Variants in CAPN14 observed in about 807,000 individuals in gnomAD.
The protein encoded by CAPN14 is calpain-14.
CAPN14 carries 94 observed loss-of-function variants against 101.3 expected under a neutral mutation model. That is an observed-to-expected ratio of 0.93 (90% CI 0.79 to 1.10). CAPN14 has a LOEUF of 1.10. Ranked by LOEUF, CAPN14 falls within the 50% of genes least tolerant of loss-of-function variation. The probability of loss-of-function intolerance (pLI) is 0.00; values close to 1 mark genes in which losing one functional copy is unlikely to be tolerated. For synonymous variants in CAPN14, 338 were observed against 317.9 expected, an observed-to-expected ratio of 1.06 and a Z score of -0.67; for missense variants, 837 against 828.4, an observed-to-expected ratio of 1.01 and a Z score of -0.13.
chr2:31,197,290 G>A lies in CAPN14; in HGVS notation c.834C>T (p.Asn278=). Residue 278 remains asparagine (N), a synonymous_variant, in exon 8 of 22, where the codon AAC becomes AAT. Transcript: ENST00000403897. The part of the protein sequence containing the change: ...HRPEYLVKLR[N]PWGKVEWKGD... ...CTTTCCATTCCACCTTTCCCCAGGG[G>A]TTCCGTAGCTTGACGAGATATTCAG... The A allele has an allele frequency of 6.4e-7, 1 of 1,551,310 alleles. No individual in the cohort carries two copies. Among genetic ancestry groups the A allele is most frequent in the Non-Finnish European group, 8.7e-7 (1 of 1,146,298 alleles).
intron 8 of CAPN14, among the ~76,000 whole-genome samples, chr2:31,196,436 C>T (rs899209878): frequency 2.0e-5 from 3 of 152,218 alleles, no homozygotes; most frequent in Non-Finnish European, 4.4e-5. Flanking sequence ...TCTAACAACA[C>T]TGTTTACTAA....
At chr2:31,222,041 G>C (rs774188325), upstream of CAPN14, among the ~76,000 whole-genome samples, 1 of 152,136 alleles carries the variant, frequency 6.6e-6, no homozygotes, top group Non-Finnish European at 1.5e-5. Context: ...CCATCCTAAG[G>C]CTTGCATTAT....
chr2:31,180,270 C>G (rs1334409443), intron 17 of CAPN14, among the ~76,000 whole-genome samples: 1 of 152,178 alleles, frequency 6.6e-6, no homozygotes, highest in Admixed American at 6.5e-5. Context: ...CTGGGACCTG[C>G]TCCATGCCCG....
intron 10 of CAPN14, 116 bp downstream of exon 10, chr2:31,193,015 G>A: frequency 9.5e-7 from 1 of 1,057,054 alleles, no homozygotes; most frequent in Non-Finnish European, 1.4e-6. Context: ...GAGGCAAGCA[G>A]AGCCTCCTCC....
intron 1 of CAPN14, among the ~76,000 whole-genome samples, chr2:31,208,799 C>T (rs1442507524): frequency 6.6e-6 from 1 of 152,112 alleles, no homozygotes; most frequent in Non-Finnish European, 1.5e-5. Context: ...AAGTGAGCAG[C>T]GTTGGAGCAG....
At chr2:31,186,567 T>C (rs1680909696) in intron 15 of CAPN14, 82 bp from the exon 16 acceptor site, 12 of 1,042,132 alleles carry the variant, frequency 1.2e-5, no homozygotes, top group African/African-American at 1.7e-5. Flanking sequence ...TGACTGGCCA[T>C]GAAATTAAAC....
rs1389112186 is a variant in CAPN14, at chr2:31,176,623, G to A, written c.1992C>T (p.Thr664=). The change falls in exon 21 of 22, where the codon ACC becomes ACT. Residue 664 remains threonine (T), a synonymous_variant. Coordinates refer to ENST00000403897, the MANE Select transcript of CAPN14 (RefSeq NM_001145122.2). ...ENMEDVFQNL[T]QDGKGIYLQK... is the part of the protein sequence containing the mutation. The stretch of plus-strand genomic sequence containing the variant: ...GGAGGTATATCCCTTTGCCATCTTG[G>A]GTTAAGTTTTGGAAGACATCTGTGA... 16 of 1,551,474 alleles carry A rather than the reference G, an allele frequency of 1.0e-5. No individual in the cohort carries two copies. Among genetic ancestry groups the A allele is most frequent in the Non-Finnish European group, 1.4e-5 (16 of 1,146,942 alleles).
intron 7 of CAPN14, among the ~76,000 whole-genome samples, chr2:31,198,963 C>T (rs1282930092): frequency 1.3e-5 from 2 of 152,208 alleles, no homozygotes; most frequent in African/African-American, 4.8e-5. Context: ...TCTACACTCT[C>T]TTCTCTCAGT....
At chr2:31,192,396 A>G (rs1681239103) in intron 10 of CAPN14, among the ~76,000 whole-genome samples, 1 of 152,132 alleles carries the variant, frequency 6.6e-6, no homozygotes, top group African/African-American at 2.4e-5. Context: ...TGAGTAAGCA[A>G]TTGTATTAAC....
intron 8 of CAPN14, 74 bp from the exon 9 acceptor site, chr2:31,194,557 C>A: frequency 1.1e-6 from 1 of 950,106 alleles, no homozygotes; most frequent in South Asian, 1.4e-5. Flanking sequence ...TCTATAGTGT[C>A]ATTATTTATT....
At position 31,180,999 on chromosome 2, in the gene CAPN14, AC is replaced by A. The variant is rs1245735764; in HGVS notation, c.1646del (p.Ser549IlefsTer29). ...QNLLNQMTWSSLGSRQPFFSL... is the reference protein window; with the variant it reads ...QNLLNQMTWSXLGSRQPFFSL... ...TAAAGAAGGGCTGTCTGCTCCCCAG[AC>A]CTGTGAAGGAGCGAAAGAGTCCACA... is the stretch of plus-strand genomic sequence containing the variant. On this transcript the variant is annotated frameshift_variant and splice_region_variant, in exon 17 of 22. Coordinates refer to ENST00000403897, the MANE Select transcript of CAPN14 (RefSeq NM_001145122.2). LOFTEE classifies it high-confidence loss of function. The A allele has an allele frequency of 6.4e-7, 1 of 1,551,618 alleles. No individual in the cohort carries two copies. Among genetic ancestry groups the A allele is most frequent in the Non-Finnish European group, 8.7e-7 (1 of 1,146,912 alleles).
At position 31,201,962 on chromosome 2, in the gene CAPN14, C is replaced by T. The variant is rs906722806; in HGVS notation, c.451G>A (p.Asp151Asn). 7 of 1,551,624 alleles carry T rather than the reference C, an allele frequency of 4.5e-6. No homozygotes were observed. Among genetic ancestry groups the T allele is most frequent in the Admixed American group, 3.9e-5 (2 of 50,988 alleles). ...HYGNWVPVVI[D>N]DRLPVNEAGQ... is the part of the protein sequence containing the mutation. ...GCCTCATTCACAGGCAGACGGTCAT[C>T]GATCACCACAGGAACCCAGTTCCCA... Residue 151 changes from aspartate (D) to asparagine (N), a missense_variant, in exon 5 of 22, where the codon GAT (aspartate) becomes AAT (asparagine). Coordinates refer to ENST00000403897, the MANE Select transcript of CAPN14 (RefSeq NM_001145122.2).
chr2:31,180,911 T>A (rs1290619647), intron 17 of CAPN14, 25 bp downstream of exon 17: 1 of 1,546,688 alleles, frequency 6.5e-7, no homozygotes, highest in Admixed American at 2.0e-5. Flanking sequence ...ACAGCAAGCA[T>A]CCACCCACAA....
intron 8 of CAPN14, among the ~76,000 whole-genome samples, chr2:31,195,450 C>A (rs1681418008): frequency 2.0e-5 from 3 of 152,230 alleles, no homozygotes; most frequent in African/African-American, 7.2e-5. Flanking sequence ...AATTCTCCTG[C>A]CTCAGCCTCC....
chr2:31,230,941 G>A lies in CAPN14; in HGVS notation c.-177+2850C>T, dbSNP rs1683172732. Among the ~76,000 whole-genome samples, 1 of 152,146 alleles carries A rather than the reference G, an allele frequency of 6.6e-6. No individual in the cohort carries two copies. The highest frequency in any genetic ancestry group is 1.5e-5 in the Non-Finnish European group (1 of 68,034). ...AATCTCTATTGCAACTTCTGTATAT[G>A]TCAGGCTTCCAAATTTCCTGGCTAT... On this transcript the variant is annotated intron_variant and NMD_transcript_variant, in intron 1 of 21. Transcript: ENST00000398824. The surrounding 1 kb of genome is among the most constrained non-coding windows in gnomAD (Gnocchi z 4.3).
At chr2:31,197,486 A>C (rs1257085893) in intron 7 of CAPN14, among the ~76,000 whole-genome samples, 152 bp from the exon 8 acceptor site, 2 of 152,158 alleles carry the variant, frequency 1.3e-5, no homozygotes, top group African/African-American at 4.8e-5. Context: ...TGCTTCTTGT[A>C]CTTACAAGCT....
At chr2:31,205,903 T>C (rs1682048958) in intron 1 of CAPN14, among the ~76,000 whole-genome samples, 1 of 152,012 alleles carries the variant, frequency 6.6e-6, no homozygotes. Flanking sequence ...AGTGGCTGCC[T>C]GCTCAGGCCT....
intron 7 of CAPN14, 41 bp from the exon 8 acceptor site, chr2:31,197,375 G>T: frequency 1.5e-6 from 2 of 1,368,276 alleles, no homozygotes; most frequent in Non-Finnish European, 1.0e-6. Flanking sequence ...TGGGCTGAGT[G>T]CAAACATTCC....
At chr2:31,179,312 C>G (rs1016555265) in intron 17 of CAPN14, among the ~76,000 whole-genome samples, 1 of 151,986 alleles carries the variant, frequency 6.6e-6, no homozygotes, top group African/African-American at 2.4e-5. Flanking sequence ...TAAGTGAGAA[C>G]ATGCAGTGTT....
Sources: allele counts gnomAD v4.1 joint callset (sites outside exome capture counted in the v4.1 genomes callset), GRCh38; gene constraint gnomAD v4.1.1; non-coding constraint Gnocchi (gnomAD v3.1); transcripts MANE v1.5; gene names NCBI Gene and HGNC (gene_info 2026-07-23, HGNC 2026-07-21).